The following SPON1 variants were observed in gnomAD, a reference collection of about 807,000 sequenced individuals.
The protein encoded by SPON1 is spondin-1.
In SPON1, 52 loss-of-function variants were observed where a neutral mutation model predicts 111.7. The ratio of observed to expected loss-of-function variants is 0.47; its 90% CI spans 0.37 to 0.59. The LOEUF is 0.59. SPON1 is among the 20% of genes least tolerant of loss of function. The pLI, the probability that SPON1 is intolerant of heterozygous loss-of-function variation, is 0.00. For missense variants in SPON1, 957 were observed against 1,068.5 expected, an observed-to-expected ratio of 0.90 and a Z score of 1.46; for synonymous variants, 410 against 395.8, an observed-to-expected ratio of 1.04 and a Z score of -0.43.
intron 7 of SPON1, among the ~76,000 whole-genome samples, chr11:14,243,820 C>A (rs1848957210): frequency 6.6e-6 from 1 of 152,196 alleles, no homozygotes; most frequent in Non-Finnish European, 1.5e-5. Flanking sequence ...TCTCCTCTAT[C>A]CCAGAGAGAT....
chr11:14,227,681 G>A (rs1848755045), intron 6 of SPON1, among the ~76,000 whole-genome samples: 1 of 152,098 alleles, frequency 6.6e-6, no homozygotes, highest in Admixed American at 6.6e-5. Flanking sequence ...TTTATTTACA[G>A]CTCATTTGTA....
At chr11:14,008,103 C>T (rs1848377002) in intron 2 of SPON1, among the ~76,000 whole-genome samples, 1 of 152,078 alleles carries the variant, frequency 6.6e-6, no homozygotes, top group Admixed American at 6.5e-5. Flanking sequence ...TCCACTGATT[C>T]AGCCAAAAAT....
chr11:14,259,836 G>A lies in SPON1; in HGVS notation c.1831+135G>A. 1.0e-6 allele frequency: 1 copy of A among 993,872 alleles called. No individual in the cohort carries two copies. The highest frequency in any genetic ancestry group is 1.5e-6 in the Non-Finnish European group (1 of 680,788). The allele number at this position is 993,872 out of a possible 1,614,324, so 61.6% of individuals were successfully genotyped here. On this transcript the variant is annotated intron_variant, in intron 13 of 15. Transcript: ENST00000576479. This position sits in a 1 kb window ranked among gnomAD's most constrained non-coding sequence, Gnocchi z 5.0. ...TGGCCCATGGTCCTTGCTGGGCACTGCTGGGAGCCAGATGAGAGACATAGG... is the reference window on the plus strand; with the variant it reads ...TGGCCCATGGTCCTTGCTGGGCACTACTGGGAGCCAGATGAGAGACATAGG...
intron 1 of SPON1, among the ~76,000 whole-genome samples, chr11:13,982,257 T>G (rs1554909755): frequency 6.6e-6 from 1 of 152,122 alleles, no homozygotes; most frequent in South Asian, 2.1e-4. Flanking sequence ...AGGCATCCAT[T>G]TGGGGTCTTG....
chr11:14,168,139 C>T (rs1554932021), intron 6 of SPON1, among the ~76,000 whole-genome samples: 5 of 152,130 alleles, frequency 3.3e-5, no homozygotes, highest in Non-Finnish European at 1.5e-5. Context: ...GCATGGCTCT[C>T]CATATGTTCC....
chr11:14,217,534 T>C (rs1484867110), intron 6 of SPON1, among the ~76,000 whole-genome samples: 1 of 152,118 alleles, frequency 6.6e-6, no homozygotes, highest in Non-Finnish European at 1.5e-5. Context: ...GGAATAAGGG[T>C]ATTATGACTG....
chr11:13,980,574 G>A (rs1848136501), intron 1 of SPON1, among the ~76,000 whole-genome samples: 1 of 151,916 alleles, frequency 6.6e-6, no homozygotes, highest in African/African-American at 2.4e-5. Flanking sequence ...TTAAGTTTTA[G>A]GGTACATGTG....
intron 9 of SPON1, among the ~76,000 whole-genome samples, chr11:14,256,031 G>A (rs1361998297): frequency 7.2e-5 from 11 of 152,156 alleles, no homozygotes; most frequent in Non-Finnish European, 7.3e-5. Context: ...CAGATCACCC[G>A]AGGTCAGGAA....
intron 15 of SPON1, among the ~76,000 whole-genome samples, chr11:14,263,901 C>T (rs890949306): frequency 1.3e-4 from 20 of 151,900 alleles, no homozygotes; most frequent in Non-Finnish European, 2.4e-4. Flanking sequence ...TGGTGGCGCA[C>T]ACCTGTAATC....
At chr11:14,011,384 T>C (rs1848403226) in intron 2 of SPON1, among the ~76,000 whole-genome samples, 1 of 145,530 alleles carries the variant, frequency 6.9e-6, no homozygotes, top group Admixed American at 6.9e-5. Context: ...GAAAGCTATG[T>C]ACTGTGTCAT....
intron 6 of SPON1, among the ~76,000 whole-genome samples, chr11:14,202,350 G>T (rs782706050): frequency 1.3e-5 from 2 of 152,160 alleles, no homozygotes; most frequent in African/African-American, 2.4e-5. Context: ...CCTGTGCCTT[G>T]GTGGAGTTTT....
chr11:14,212,357 T>C (rs1359262326), intron 6 of SPON1, among the ~76,000 whole-genome samples: 2 of 152,220 alleles, frequency 1.3e-5, no homozygotes, highest in Non-Finnish European at 2.9e-5. Context: ...TCCTACCTCA[T>C]TGCGTCATTT....
rs1554928031 is a variant in SPON1, at chr11:14,135,889, G to T, written c.825+321G>T. ...TTAAGGTTTTCTTACTGTGATCTTT[G>T]AGAGGGTCAGAGGAGTAATAGTCAA... is the stretch of plus-strand genomic sequence containing the variant. On this transcript the variant is annotated intron_variant, in intron 6 of 15. Transcript: ENST00000576479. The surrounding 1 kb of genome is among the most constrained non-coding windows in gnomAD (Gnocchi z 4.4). Among the ~76,000 whole-genome samples the T allele has an allele frequency of 6.6e-6, 1 of 152,194 alleles. No homozygotes were observed.
intron 3 of SPON1, among the ~76,000 whole-genome samples, chr11:14,054,004 A>G (rs1437226179): frequency 6.6e-6 from 1 of 152,330 alleles, no homozygotes; most frequent in Middle Eastern, 3.4e-3. Context: ...TACTAATCAA[A>G]TAAGTGCACC....
chr11:14,188,908 A>G (rs536235173), intron 6 of SPON1, among the ~76,000 whole-genome samples: 54 of 152,366 alleles, frequency 3.5e-4, no homozygotes, highest in Middle Eastern at 3.4e-3. Flanking sequence ...TTAGCCAAAC[A>G]TCTCATTAAA....
chr11:14,188,105 A>G (rs1466518512), intron 6 of SPON1, among the ~76,000 whole-genome samples: 1 of 152,068 alleles, frequency 6.6e-6, no homozygotes, highest in Non-Finnish European at 1.5e-5. Context: ...ACGGGGTTTC[A>G]GCATGTTGGC....
chr11:14,118,411 C>G (rs1849281627), intron 5 of SPON1, among the ~76,000 whole-genome samples: 1 of 152,152 alleles, frequency 6.6e-6, no homozygotes, highest in Non-Finnish European at 1.5e-5. Context: ...TGTTACTTGT[C>G]AGTGCATAAT....
In SPON1 at chr11:14,267,448, A is replaced by G. The variant is rs1042187784; in HGVS notation, c.*1761A>G. On this transcript the variant is annotated 3_prime_UTR_variant, in exon 16 of 16. Coordinates refer to ENST00000576479, the MANE Select transcript of SPON1 (RefSeq NM_006108.4). ...TTTAATTATTTTTCTACTTGGGGGG[A>G]AAAAAGTCCTCATGTAGAAGCACCC... 1 of 82,290 alleles carries G rather than the reference A, an allele frequency of 1.2e-5. No individual in the cohort carries two copies. The highest frequency in any genetic ancestry group is 3.2e-5 in the Non-Finnish European group (1 of 30,832). 5.1% of individuals were successfully genotyped at this position (82,290 alleles called of 1,614,324 possible).
intron 3 of SPON1, among the ~76,000 whole-genome samples, chr11:14,044,711 C>A (rs1168650686): frequency 6.6e-6 from 1 of 152,180 alleles, no homozygotes; most frequent in African/African-American, 2.4e-5. Context: ...ATGCTTTAGA[C>A]TTATCTCTGC....
Sources: gnomAD v4.1 joint callset for allele counts (sites outside exome capture counted in the v4.1 genomes callset) on GRCh38, gnomAD v4.1.1 for gene constraint, Gnocchi (gnomAD v3.1) non-coding constraint, MANE v1.5 for transcripts, NCBI Gene and HGNC (gene_info 2026-07-23, HGNC 2026-07-21) for gene names.